Variants in SFXN1 observed in about 807,000 individuals in gnomAD.
SFXN1 encodes the protein sideroflexin-1.
A neutral mutation model predicts 39.5 loss-of-function variants in SFXN1; 32 were observed. The observed-to-expected ratio is 0.81, with a 90% CI of 0.61 to 1.09. The LOEUF (loss-of-function observed/expected upper bound fraction) is 1.09. Ranked by LOEUF, SFXN1 falls within the 50% of genes least tolerant of loss-of-function variation. The pLI is 0.00. For missense variants in SFXN1, 402 were observed against 407.1 expected, an observed-to-expected ratio of 0.99 and a Z score of 0.11; for synonymous variants, 136 against 146.5, an observed-to-expected ratio of 0.93 and a Z score of 0.52.
At chr5:175,508,248 T>G (rs1455648933) in intron 2 of SFXN1, among the ~76,000 whole-genome samples, 2 of 92,284 alleles carry the variant, frequency 2.2e-5, no homozygotes, top group Admixed American at 2.4e-4. Flanking sequence ...TTTTTTTTTT[T>G]GAGAGGGTCT....
chr5:175,501,656 T>G (rs1207918403), intron 2 of SFXN1, among the ~76,000 whole-genome samples: 1 of 152,138 alleles, frequency 6.6e-6, no homozygotes, highest in East Asian at 1.9e-4. Context: ...TTTTTTTAAA[T>G]GGACAAAAGA....
At position 175,515,813 on chromosome 5, in the gene SFXN1, A is replaced by G. The variant is rs578064475; in HGVS notation, c.725-801A>G. Among the ~76,000 whole-genome samples, 13 of 152,272 alleles carry G rather than the reference A, an allele frequency of 8.5e-5. No individual in the cohort carries two copies. In the East Asian group the frequency reaches 1.9e-3, roughly 23 times the overall value. On this transcript the variant is annotated intron_variant, in intron 7 of 10. Coordinates refer to ENST00000321442, the MANE Select transcript of SFXN1 (RefSeq NM_022754.7). ...TAAATGTATTGTGTACTTTAGTTCT[A>G]TTATTATTACATTGTAACATATAAT...
chr5:175,488,383 A>G (rs1231482980), intron 1 of SFXN1, among the ~76,000 whole-genome samples: 1 of 147,996 alleles, frequency 6.8e-6, no homozygotes, highest in Non-Finnish European at 1.5e-5. Context: ...GCTCACCGCC[A>G]TCTCCGCCTC....
chr5:175,480,379 C>G (rs1015421275), intron 1 of SFXN1, among the ~76,000 whole-genome samples: 1 of 151,090 alleles, frequency 6.6e-6, no homozygotes, highest in Non-Finnish European at 1.5e-5. Context: ...CCAGCCTGGG[C>G]GACAGAGCAA....
At chr5:175,487,891 C>T (rs1759508347) in intron 1 of SFXN1, among the ~76,000 whole-genome samples, 1 of 152,138 alleles carries the variant, frequency 6.6e-6, no homozygotes, top group South Asian at 2.1e-4. Context: ...TCTCTCACAT[C>T]CCACATCTAA....
At chr5:175,502,154 C>T (rs1760107511) in intron 2 of SFXN1, among the ~76,000 whole-genome samples, 1 of 152,084 alleles carries the variant, frequency 6.6e-6, no homozygotes, top group South Asian at 2.1e-4. Flanking sequence ...ATCCAAAGTG[C>T]AAAATATCTC....
chr5:175,485,908 T>G (rs1176630944), intron 1 of SFXN1, among the ~76,000 whole-genome samples: 1 of 152,206 alleles, frequency 6.6e-6, no homozygotes, highest in African/African-American at 2.4e-5. Context: ...GTGCATAGGA[T>G]GTCTGAATCA....
rs750388562 is a variant in SFXN1, at chr5:175,513,599, G to T, written c.724+9G>T. On this transcript the variant is annotated intron_variant, in intron 7 of 10. Coordinates refer to ENST00000321442, the MANE Select transcript of SFXN1 (RefSeq NM_022754.7). ...GGCAGCCCCTGGCATGGGTTAGCAG[G>T]ACTTTGTCATTTATTCCATAAATAC... is the stretch of plus-strand genomic sequence containing the variant. The T allele has an allele frequency of 2.5e-6, 4 of 1,613,220 alleles. No homozygotes were observed. The highest frequency in any genetic ancestry group is 1.1e-5 in the South Asian group (1 of 90,980).
intron 2 of SFXN1, among the ~76,000 whole-genome samples, chr5:175,504,666 T>A (rs148864837): frequency 2.6e-5 from 4 of 152,004 alleles, no homozygotes; most frequent in Non-Finnish European, 5.9e-5. Flanking sequence ...GACACAATGG[T>A]AGTTTCCTGT....
chr5:175,482,041 G>C (rs1003578220), intron 1 of SFXN1, among the ~76,000 whole-genome samples: 2 of 152,164 alleles, frequency 1.3e-5, no homozygotes, highest in South Asian at 2.1e-4. Context: ...GTCATCTTGG[G>C]CATGGTACTA....
intron 7 of SFXN1, among the ~76,000 whole-genome samples, chr5:175,514,959 C>G (rs1760668869): frequency 6.6e-6 from 1 of 152,332 alleles, no homozygotes; most frequent in Non-Finnish European, 1.5e-5. Context: ...CCCTGATTTC[C>G]AGATTTGCTG....
chr5:175,512,547 T>A (rs1004747926), intron 6 of SFXN1, among the ~76,000 whole-genome samples: 4 of 152,234 alleles, frequency 2.6e-5, no homozygotes, highest in African/African-American at 7.2e-5. Context: ...GAAAGTTTAT[T>A]CTCTAAAATA....
chr5:175,493,488 A>G (rs1759741564), intron 2 of SFXN1, among the ~76,000 whole-genome samples: 1 of 152,214 alleles, frequency 6.6e-6, no homozygotes, highest in South Asian at 2.1e-4. Flanking sequence ...AGTCTGGCCA[A>G]GTTCTGCCAT....
intron 2 of SFXN1, among the ~76,000 whole-genome samples, chr5:175,498,086 A>AATTAATGAGAAAATTAATTATTAATCTT: frequency 1.3e-5 from 2 of 152,172 alleles, no homozygotes; most frequent in Middle Eastern, 3.4e-3. Flanking sequence ...AACAATGAGA[A>AATTAATGAGAAAATTAATTATTAATCTT]ATTAATGAGA....
At chr5:175,520,300 T>C (rs1158563648) in intron 8 of SFXN1, among the ~76,000 whole-genome samples, 1 of 152,224 alleles carries the variant, frequency 6.6e-6, no homozygotes, top group East Asian at 1.9e-4. Flanking sequence ...CATCTAAACT[T>C]GCTCTGTTTG....
Position 175,527,784 on chromosome 5 carries a change from G to T in SFXN1, c.*1050G>T, listed in dbSNP as rs1460673774. Reference sequence around the variant, plus strand: ...TGTACCACTGTTTACATCATCTGTAGTGATTTCATAGATAATATATTTAAT... The same window carrying T: ...TGTACCACTGTTTACATCATCTGTATTGATTTCATAGATAATATATTTAAT... On this transcript the variant is annotated 3_prime_UTR_variant, in exon 11 of 11. Transcript: ENST00000321442. 1 of 152,118 alleles carries T rather than the reference G, an allele frequency of 6.6e-6. No individual in the cohort carries two copies. Among genetic ancestry groups the T allele is most frequent in the African/African-American group, 2.4e-5 (1 of 41,424 alleles). The allele number at this position is 152,118 out of a possible 1,614,324, so 9.4% of individuals were successfully genotyped here.
intron 1 of SFXN1, among the ~76,000 whole-genome samples, chr5:175,488,255 C>T (rs781035644): frequency 6.6e-6 from 1 of 152,150 alleles, no homozygotes; most frequent in Non-Finnish European, 1.5e-5. Context: ...TTCCTCACTC[C>T]GCCCCAGCTC....
At chr5:175,513,396 A>G (rs897732703) in intron 6 of SFXN1, 67 bp from the exon 7 acceptor site, 95 of 1,557,256 alleles carry the variant, frequency 6.1e-5, no homozygotes, top group Non-Finnish European at 6.3e-5. Flanking sequence ...CTTTCCCAAC[A>G]TAGTACTATT....
intron 4 of SFXN1, 54 bp downstream of exon 4, chr5:175,510,261 A>G: frequency 2.9e-6 from 4 of 1,391,244 alleles, no homozygotes; most frequent in Non-Finnish European, 4.0e-6. Flanking sequence ...TCATTTTATT[A>G]AGTGGTGATA....
Sources: allele counts gnomAD v4.1 joint callset (sites outside exome capture counted in the v4.1 genomes callset), GRCh38; gene constraint gnomAD v4.1.1; transcripts MANE v1.5; gene names NCBI Gene and HGNC (gene_info 2026-07-23, HGNC 2026-07-21).